USP15: variants seen among roughly 807,000 people sequenced by gnomAD.
USP15 encodes the protein ubiquitin specific peptidase 15.
USP15 carries 18 observed loss-of-function variants against 127.1 expected under a neutral mutation model. That is an observed-to-expected ratio of 0.14 (90% CI 0.10 to 0.21). The LOEUF (loss-of-function observed/expected upper bound fraction) is 0.21. Among genes scored for constraint, USP15 ranks in the 10% least tolerant of loss-of-function variants. USP15 has a pLI of 1.00. For missense variants in USP15, 805 were observed against 1,159.9 expected (o/e 0.69, Z 4.44); for synonymous variants, 364 against 393.7 (o/e 0.92, Z 0.89).
At chr12:62,342,977 G>T (rs2065692818) in intron 6 of USP15, among the ~76,000 whole-genome samples, 1 of 152,298 alleles carries the variant, frequency 6.6e-6, no homozygotes, top group South Asian at 2.1e-4. Flanking sequence ...TTCAGAGCCA[G>T]CAGCCAGGAA....
chr12:62,286,821 C>T (rs1032731897), intron 1 of USP15, among the ~76,000 whole-genome samples: 2 of 151,868 alleles, frequency 1.3e-5, no homozygotes, highest in East Asian at 1.9e-4. Context: ...CCTGTAATCC[C>T]GGCTACTCGG....
Position 62,413,010 on chromosome 12 carries a change from G to C in USP15, c.*8635G>C, listed in dbSNP as rs1453086767. 1 of 152,218 alleles carries C rather than the reference G, an allele frequency of 6.6e-6. No individual in the cohort carries two copies. Among genetic ancestry groups the C allele is most frequent in the Non-Finnish European group, 1.5e-5 (1 of 68,034 alleles). 9.4% of individuals were successfully genotyped at this position (152,218 alleles called of 1,614,324 possible). ...ATGTATTTCTTGGATGATAAGACTT[G>C]AAAGCTGAAGTTATTCTTTGATCTA... On this transcript the variant is annotated 3_prime_UTR_variant, in exon 22 of 22. Transcript: ENST00000280377.
intron 3 of USP15, among the ~76,000 whole-genome samples, chr12:62,310,039 G>A (rs2137230848): frequency 6.6e-6 from 1 of 151,980 alleles, no homozygotes; most frequent in South Asian, 2.1e-4. Context: ...TAGAAGGCAC[G>A]ATTCTACAGG....
chr12:62,268,837 G>A (rs2063267178), intron 1 of USP15, among the ~76,000 whole-genome samples: 1 of 152,012 alleles, frequency 6.6e-6, no homozygotes, highest in African/African-American at 2.4e-5. Flanking sequence ...GAGTTGTGCA[G>A]CCATGACCAT....
intron 1 of USP15, among the ~76,000 whole-genome samples, chr12:62,261,126 G>A (rs2063042243): frequency 6.6e-6 from 1 of 152,100 alleles, no homozygotes; most frequent in African/African-American, 2.4e-5. Context: ...GTGGTCTTGT[G>A]CTTTAGTGGT....
chr12:62,301,365 A>G (rs1050318710), intron 2 of USP15, among the ~76,000 whole-genome samples: 2 of 152,284 alleles, frequency 1.3e-5, no homozygotes, highest in African/African-American at 2.4e-5. Flanking sequence ...AAAGCATTTT[A>G]TCCATATGAC....
At chr12:62,285,616 G>A (rs987063240) in intron 1 of USP15, among the ~76,000 whole-genome samples, 1 of 151,982 alleles carries the variant, frequency 6.6e-6, no homozygotes, top group Non-Finnish European at 1.5e-5. Context: ...TCTTTTTTAT[G>A]GCTGAGTAGT....
chr12:62,386,632 G>A (rs960237841), intron 11 of USP15, among the ~76,000 whole-genome samples: 1 of 152,026 alleles, frequency 6.6e-6, no homozygotes, highest in Non-Finnish European at 1.5e-5. Context: ...AAGAGGACAT[G>A]GCCCACTTCT....
chr12:62,339,616 G>A (rs1011415183), intron 6 of USP15, among the ~76,000 whole-genome samples: 1 of 152,086 alleles, frequency 6.6e-6, no homozygotes, highest in African/African-American at 2.4e-5. Context: ...TTTTATTGAA[G>A]GCCTTTTGTG....
chr12:62,366,880 T>C (rs995906078), intron 8 of USP15, among the ~76,000 whole-genome samples: 1 of 152,232 alleles, frequency 6.6e-6, no homozygotes, highest in African/African-American at 2.4e-5. Flanking sequence ...TGAACCAGCC[T>C]TGCATCCCAG....
intron 8 of USP15, among the ~76,000 whole-genome samples, chr12:62,363,908 G>T (rs1302205772): frequency 3.3e-5 from 5 of 152,150 alleles, no homozygotes; most frequent in Admixed American, 3.3e-4. Flanking sequence ...GTAGTAGGAA[G>T]AAGAACATAG....
intron 1 of USP15, among the ~76,000 whole-genome samples, chr12:62,287,090 T>C (rs1286448484): frequency 6.6e-6 from 1 of 152,176 alleles, no homozygotes; most frequent in African/African-American, 2.4e-5. Flanking sequence ...TACTGTGTGT[T>C]CTCACTTATA....
chr12:62,319,740 G>A (rs75534569), intron 4 of USP15, among the ~76,000 whole-genome samples: 1 of 152,246 alleles, frequency 6.6e-6, no homozygotes, highest in Non-Finnish European at 1.5e-5. Context: ...AACATGTTAT[G>A]TACACAGATG....
chr12:62,276,271 T>C (rs1258290337), intron 1 of USP15, among the ~76,000 whole-genome samples: 1 of 152,122 alleles, frequency 6.6e-6, no homozygotes, highest in Non-Finnish European at 1.5e-5. Context: ...CACCTTTGGT[T>C]TCATTTATAA....
chr12:62,385,464 A>G (rs2067118407), intron 11 of USP15, among the ~76,000 whole-genome samples: 1 of 151,998 alleles, frequency 6.6e-6, no homozygotes, highest in Non-Finnish European at 1.5e-5. Context: ...TATTCAAAGT[A>G]ATTAAAGTCT....
intron 1 of USP15, among the ~76,000 whole-genome samples, chr12:62,276,232 G>T (rs34162598): frequency 0.064 from 9,754 of 152,078 alleles, 405 homozygotes; most frequent in Middle Eastern, 0.095. Context: ...CAGGAACACA[G>T]TCAAATGTCT....
At chr12:62,279,516 T>G (rs1320607545) in intron 1 of USP15, among the ~76,000 whole-genome samples, 1 of 152,284 alleles carries the variant, frequency 6.6e-6, no homozygotes, top group East Asian at 1.9e-4. Context: ...CTGGATCATA[T>G]GGTCATTCTA....
At chr12:62,392,034 A>T in intron 17 of USP15, 148 bp downstream of exon 17, 1 of 901,294 alleles carries the variant, frequency 1.1e-6, no homozygotes, top group Non-Finnish European at 1.6e-6. Context: ...TAGAAAAAAA[A>T]GTCTTTGCAA....
Position 62,325,900 on chromosome 12 carries a change from A to T in USP15, c.650A>T (p.Asp217Val). The change falls in exon 6 of 22, where the codon GAT (aspartate) becomes GTT (valine). Residue 217 changes from aspartate (D) to valine (V), a missense_variant. Coordinates refer to ENST00000280377, the MANE Select transcript of USP15 (RefSeq NM_001252078.2). ...TTAGTGATAGAACAGAAAAATGAAG[A>T]TGGAACATGGCCAAGGGGTCCTTCT... ...QVLVIEQKNE[D>V]GTWPRGPSTP... 1.2e-6 allele frequency: 2 copies of T among 1,610,772 alleles called. No individual in the cohort carries two copies. Among genetic ancestry groups the T allele is most frequent in the Non-Finnish European group, 1.7e-6 (2 of 1,178,048 alleles).
Sources: allele counts gnomAD v4.1 joint callset (sites outside exome capture counted in the v4.1 genomes callset), GRCh38; gene constraint gnomAD v4.1.1; transcripts MANE v1.5; gene names NCBI Gene and HGNC (gene_info 2026-07-23, HGNC 2026-07-21).